The following TGM3 variants were observed in gnomAD, a reference collection of about 807,000 sequenced individuals.
TGM3 encodes transglutaminase 3, also known as protein-glutamine gamma-glutamyltransferase E.
Under a neutral mutation model 73.8 loss-of-function variants are expected in TGM3, and 52 were observed. The ratio of observed to expected loss-of-function variants is 0.70; its 90% CI spans 0.56 to 0.89. The LOEUF (loss-of-function observed/expected upper bound fraction) is 0.89. TGM3 is among the 40% of genes least tolerant of loss of function. The pLI is 0.00. For synonymous variants in TGM3, 372 were observed against 354.9 expected, an observed-to-expected ratio of 1.05 and a Z score of -0.54; for missense variants, 928 against 909.9, an observed-to-expected ratio of 1.02 and a Z score of -0.26.
At chr20:2,298,967 C>T (rs1362904774) in intron 1 of TGM3, among the ~76,000 whole-genome samples, 1 of 152,108 alleles carries the variant, frequency 6.6e-6, no homozygotes, top group Non-Finnish European at 1.5e-5. Flanking sequence ...TCCTTAGAGA[C>T]AGCCCATGAG....
In TGM3 at chr20:2,332,199, G is replaced by T. The variant is rs781332675; in HGVS notation, c.1531G>T (p.Asp511Tyr). 4 of 1,613,960 alleles carry T rather than the reference G, an allele frequency of 2.5e-6. No individual in the cohort carries two copies. Among genetic ancestry groups the T allele is most frequent in the East Asian group, 4.5e-5 (2 of 44,898 alleles). Residue 511 changes from aspartate (D) to tyrosine (Y), a missense_variant, in exon 10 of 13, where the codon GAT (aspartate) becomes TAT (tyrosine). Asp to Tyr is a radical substitution (Grantham distance 160). Transcript: ENST00000381458. This position sits in a 1 kb window ranked among gnomAD's most constrained non-coding sequence, Gnocchi z 4.4. ...CCTACTGCTCAAAAACCTGAGCAGG[G>T]ATACGAAGACAGTGACAGTGAACAT... ...LVLLLKNLSR[D>Y]TKTVTVNMTA...
chr20:2,316,749 G>T (rs2084235182), intron 5 of TGM3, among the ~76,000 whole-genome samples: 1 of 152,122 alleles, frequency 6.6e-6, no homozygotes, highest in African/African-American at 2.4e-5. Flanking sequence ...AGCTGGAGTT[G>T]TGCCCTGCCT....
At chr20:2,307,725 C>T (rs1314829069) in intron 1 of TGM3, among the ~76,000 whole-genome samples, 1 of 152,104 alleles carries the variant, frequency 6.6e-6, no homozygotes, top group East Asian at 1.9e-4. Context: ...CACACAATGT[C>T]CTATGAATAA....
chr20:2,328,026 G>A lies in TGM3; in HGVS notation c.1088-94G>A. On this transcript the variant is annotated intron_variant, in intron 8 of 12. Coordinates refer to ENST00000381458, the MANE Select transcript of TGM3 (RefSeq NM_003245.4). This position sits in a 1 kb window ranked among gnomAD's most constrained non-coding sequence, Gnocchi z 5.2. ...AAGGAATTTGGGCGGGGCAGAGGCAGGGGGTTGCAGTGGTCCTGGAAGGCC... is the reference window on the plus strand; with the variant it reads ...AAGGAATTTGGGCGGGGCAGAGGCAAGGGGTTGCAGTGGTCCTGGAAGGCC... 1.9e-6 allele frequency: 3 copies of A among 1,558,364 alleles called. No homozygotes were observed. Among genetic ancestry groups the A allele is most frequent in the Non-Finnish European group, 1.7e-6 (2 of 1,143,536 alleles).
intron 1 of TGM3, 32 bp from the exon 2 acceptor site, chr20:2,309,625 T>G (rs1184673928): frequency 6.2e-7 from 1 of 1,611,146 alleles, no homozygotes; most frequent in South Asian, 1.1e-5. Context: ...CCTTGCCTCC[T>G]AGGACTTCAG....
At chr20:2,299,069 A>G (rs1262042047) in intron 1 of TGM3, among the ~76,000 whole-genome samples, 1 of 152,130 alleles carries the variant, frequency 6.6e-6, no homozygotes. Flanking sequence ...TTAAGAGTGC[A>G]GGTTCAGAGG....
At chr20:2,327,127 A>G (rs915250940) in intron 8 of TGM3, among the ~76,000 whole-genome samples, 4 of 152,192 alleles carry the variant, frequency 2.6e-5, no homozygotes, top group Admixed American at 2.0e-4. Context: ...ATGAAATGGA[A>G]TGGAACGGAA....
intron 11 of TGM3, among the ~76,000 whole-genome samples, chr20:2,338,052 G>A (rs2084360758): frequency 6.7e-6 from 1 of 149,102 alleles, no homozygotes; most frequent in South Asian, 2.1e-4. Flanking sequence ...ACGGATCAAT[G>A]CCTAGCTCAC....
Position 2,328,462 on chromosome 20 carries a change from C to G in TGM3, c.1333+97C>G. 6.6e-7 allele frequency: 1 copy of G among 1,510,778 alleles called. No individual in the cohort carries two copies. The highest frequency in any genetic ancestry group is 1.4e-5 in the African/African-American group (1 of 73,260). The allele number at this position is 1,510,778 out of a possible 1,614,324, so 93.6% of individuals were successfully genotyped here. A position where few individuals can be genotyped will look rare whatever the true frequency, so the allele number is the denominator to read the frequency against. On this transcript the variant is annotated intron_variant, in intron 9 of 12. Transcript: ENST00000381458. This position sits in a 1 kb window ranked among gnomAD's most constrained non-coding sequence, Gnocchi z 5.2. ...GAGAAAAGTCCTCACCTCCCCCGCA[C>G]TGGCAGCCAGTTCTGCCTGAATGAT... is the stretch of plus-strand genomic sequence containing the variant.
At chr20:2,325,706 G>A in intron 7 of TGM3, 143 bp from the exon 8 acceptor site, 1 of 659,264 alleles carries the variant, frequency 1.5e-6, no homozygotes, top group East Asian at 2.7e-5. Flanking sequence ...ATGCTCACCA[G>A]GGCTTAGCAT....
At position 2,339,959 on chromosome 20, in the gene TGM3, G is replaced by A. The variant is rs367606978; in HGVS notation, c.1906G>A (p.Gly636Ser). The A allele has an allele frequency of 8.9e-5, 143 of 1,611,968 alleles. No individual in the cohort carries two copies. Among genetic ancestry groups the A allele is most frequent in the Non-Finnish European group, 1.1e-4 (128 of 1,179,216 alleles). Residue 636 changes from glycine (G) to serine (S), a missense_variant, in exon 12 of 13, where the codon GGC becomes AGC. Coordinates refer to ENST00000381458, the MANE Select transcript of TGM3 (RefSeq NM_003245.4). ...RDCVLMVEGSGLLLGNLKIDV... is the reference protein window; with the variant it reads ...RDCVLMVEGSSLLLGNLKIDV... ...CTGCGTGCTGATGGTGGAGGGAAGC[G>A]GCCTGCTGTTGGGTAACCTGAAGAT...
chr20:2,303,223 C>T (rs541880928), intron 1 of TGM3, among the ~76,000 whole-genome samples: 5 of 151,976 alleles, frequency 3.3e-5, no homozygotes, highest in Non-Finnish European at 7.4e-5. Flanking sequence ...ATCACTTGAA[C>T]CCGGAAGGCG....
In TGM3 at chr20:2,340,888, G is replaced by A; in HGVS notation, c.*307G>A. 5.7e-6 allele frequency: 3 copies of A among 523,322 alleles called. No individual in the cohort carries two copies. The highest frequency in any genetic ancestry group is 7.4e-6 in the Non-Finnish European group (2 of 271,116). 32.4% of individuals were successfully genotyped at this position (523,322 alleles called of 1,614,324 possible). ...GCCCTTCAATGCTGCAGGATGGACT[G>A]GCCCCTGACCCAGGGACTCTCCAAA... On this transcript the variant is annotated 3_prime_UTR_variant, in exon 13 of 13. Coordinates refer to ENST00000381458, the MANE Select transcript of TGM3 (RefSeq NM_003245.4).
Position 2,317,140 on chromosome 20 carries a change from A to G in TGM3, c.742A>G (p.Arg248Gly), listed in dbSNP as rs746641393. ...SGTYTGGRDPRSWNGSVEILK... is the reference protein window; with the variant it reads ...SGTYTGGRDPGSWNGSVEILK... ...CACTTACACCGGTGGCCGGGACCCA[A>G]GGAGCTGGAACGGCAGCGTGGAGAT... The change falls in exon 6 of 13, where the codon AGG becomes GGG. Residue 248 changes from arginine (R) to glycine (G), a missense_variant. Transcript: ENST00000381458. The G allele has an allele frequency of 4.3e-6, 7 of 1,614,076 alleles. No homozygotes were observed. The South Asian group carries it at 5.5e-5, about 13-fold the overall frequency.
intron 4 of TGM3, 26 bp from the exon 5 acceptor site, chr20:2,312,872 G>A (rs1265452023): frequency 6.2e-7 from 1 of 1,613,140 alleles, no homozygotes; most frequent in Non-Finnish European, 8.5e-7. Flanking sequence ...TTCTTTAATT[G>A]TAATGTATGG....
chr20:2,311,045 A>G lies in TGM3; in HGVS notation c.456A>G (p.Arg152=), dbSNP rs1381102729. The G allele has an allele frequency of 6.2e-7, 1 of 1,613,956 alleles. No individual in the cohort carries two copies. Among genetic ancestry groups the G allele is most frequent in the Non-Finnish European group, 8.5e-7 (1 of 1,179,992 alleles). ...TCTTTATGGGTAACCACGCTGAGAGAGAAGAGTATGTTCAGGAAGATGCCG... is the reference window on the plus strand; with the variant it reads ...TCTTTATGGGTAACCACGCTGAGAGGGAAGAGTATGTTCAGGAAGATGCCG... The part of the protein sequence containing the change: ...DSVFMGNHAE[R]EEYVQEDAGI... The change falls in exon 4 of 13, where the codon AGA becomes AGG. Residue 152 remains arginine, a synonymous_variant. Transcript: ENST00000381458.
chr20:2,311,272 G>T, intron 4 of TGM3, 143 bp downstream of exon 4: 1 of 687,394 alleles, frequency 1.5e-6, no homozygotes, highest in Admixed American at 2.3e-5. Context: ...GACTTTCATT[G>T]GCCACCTATT....
In TGM3 at chr20:2,317,073, T is replaced by C; in HGVS notation, c.675T>C (p.Asn225=). Reference sequence around the variant, plus strand: ...GGGGGGTGGTTTCTGCCCAGATCAATAGCAATGATGACAATGGTGTGCTTG... The same window carrying C: ...GGGGGGTGGTTTCTGCCCAGATCAACAGCAATGATGACAATGGTGTGCTTG... ...YVGRVLSAMI[N]SNDDNGVLAG... is the part of the protein sequence containing the mutation. Residue 225 remains asparagine (N), a synonymous_variant, in exon 6 of 13, where the codon AAT becomes AAC. Transcript: ENST00000381458. 1 of 1,613,718 alleles carries C rather than the reference T, an allele frequency of 6.2e-7. No homozygotes were observed. The highest frequency in any genetic ancestry group is 1.1e-5 in the South Asian group (1 of 91,048).
intron 8 of TGM3, among the ~76,000 whole-genome samples, chr20:2,326,658 G>C (rs1402360644): frequency 6.6e-6 from 1 of 152,134 alleles, no homozygotes; most frequent in Non-Finnish European, 1.5e-5. Context: ...AGACCAGCCT[G>C]ACCAACATGG....
Sources: allele counts gnomAD v4.1 joint callset (sites outside exome capture counted in the v4.1 genomes callset), GRCh38; gene constraint gnomAD v4.1.1; non-coding constraint Gnocchi (gnomAD v3.1); transcripts MANE v1.5; gene names NCBI Gene and HGNC (gene_info 2026-07-23, HGNC 2026-07-21).